The following GRIK1 variants were observed in gnomAD, a reference collection of about 807,000 sequenced individuals.
GRIK1 encodes the protein glutamate ionotropic receptor kainate type subunit 1.
GRIK1 carries 69 observed loss-of-function variants against 105.7 expected under a neutral mutation model. The ratio of observed to expected loss-of-function variants is 0.65; its 90% confidence interval spans 0.54 to 0.80. The LOEUF is 0.80. Among genes scored for constraint, GRIK1 ranks in the 30% least tolerant of loss-of-function variants. The pLI is 0.00. For missense variants in GRIK1, 1,109 were observed against 1,167.3 expected (o/e 0.95, Z 0.73); for synonymous variants, 438 against 431.3 (o/e 1.02, Z -0.19).
chr21:29,679,899 T>A (rs1286457188), intron 3 of GRIK1, among the ~76,000 whole-genome samples: 1 of 152,208 alleles, frequency 6.6e-6, no homozygotes, highest in African/African-American at 2.4e-5. Context: ...CATATGGCAT[T>A]TGTCTTGTGT....
chr21:29,641,713 C>T lies in GRIK1; in HGVS notation c.1098+1113G>A, dbSNP rs533067386. 6.6e-5 allele frequency among the ~76,000 whole-genome samples: 10 copies of T among 152,260 alleles called. No individual in the cohort carries two copies. The East Asian group carries it at 1.5e-3, about 24-fold the overall frequency. On this transcript the variant is annotated intron_variant, in intron 7 of 17. Coordinates refer to ENST00000327783, the MANE Select transcript of GRIK1 (RefSeq NM_001330994.2). The stretch of plus-strand genomic sequence containing the variant: ...AGAATGAATGTTTCCTTAAATTGCA[C>T]CCTCATCCTGGGCTTGCAAGCAACC...
At chr21:29,847,702 C>A (rs1018525843) in intron 1 of GRIK1, among the ~76,000 whole-genome samples, 1 of 152,178 alleles carries the variant, frequency 6.6e-6, no homozygotes, top group Non-Finnish European at 1.5e-5. Context: ...CTCTTTACTA[C>A]ATCAAGTCAA....
At chr21:29,690,896 G>A (rs363535) in intron 2 of GRIK1, among the ~76,000 whole-genome samples, 4,879 of 152,148 alleles carry the variant, frequency 0.032, 255 homozygotes, top group African/African-American at 0.11. Flanking sequence ...AATACAGTTT[G>A]ACATATTACT....
chr21:29,874,007 C>G lies in GRIK1; in HGVS notation c.118+65376G>C, dbSNP rs1481321104. Among the ~76,000 whole-genome samples the G allele has an allele frequency of 2.0e-5, 3 of 152,180 alleles. No homozygotes were observed. In the East Asian group the frequency reaches 5.8e-4, roughly 29 times the overall value. ...TCCAATTCACAATAGGGTTCCCTCT[C>G]CTATGAGAATCTAATGCCGCAGCTG... On this transcript the variant is annotated intron_variant, in intron 1 of 17. Transcript: ENST00000327783.
At chr21:29,692,195 C>T (rs924140295) in intron 2 of GRIK1, among the ~76,000 whole-genome samples, 24 of 152,336 alleles carry the variant, frequency 1.6e-4, no homozygotes, top group African/African-American at 5.5e-4. Context: ...GGGTGTTTAA[C>T]TGACAAGTAA....
chr21:29,867,549 C>G (rs28578992), intron 1 of GRIK1, among the ~76,000 whole-genome samples: 7,852 of 152,040 alleles, frequency 0.052, 670 homozygotes, highest in African/African-American at 0.18. Context: ...AATCCCAGCA[C>G]TTTGGGAGAC....
rs1463058127 is a variant in GRIK1, at chr21:29,589,139, T to C, written c.1366-97A>G. The C allele has an allele frequency of 5.6e-6, 4 of 713,596 alleles. No individual in the cohort carries two copies. The African/African-American group carries it at 7.1e-5, about 13-fold the overall frequency. 44.2% of individuals were successfully genotyped at this position (713,596 alleles called of 1,614,324 possible). On this transcript the variant is annotated intron_variant, in intron 10 of 17. Transcript: ENST00000327783. ...AGATGTGAAATGTTTGATAATGATT[T>C]TGAAGAGCTGAGAGTACTGAAGTCA...
chr21:29,573,546 A>T (rs910542958), intron 14 of GRIK1, among the ~76,000 whole-genome samples: 1 of 148,796 alleles, frequency 6.7e-6, no homozygotes, highest in African/African-American at 2.5e-5. Context: ...TTGAGACAGA[A>T]AAGATCAAAG....
rs16984393 is a variant in GRIK1 at position 29,577,676 on chromosome 21, A to C, written c.1913-495T>G. On this transcript the variant is annotated intron_variant, in intron 13 of 17. Transcript: ENST00000327783. ...CTTTAATAAAACATTGGGATTTTAC[A>C]AATAAAATAAGATGCAGCCATACTT... is the stretch of plus-strand genomic sequence containing the variant. Among the ~76,000 whole-genome samples the C allele has an allele frequency of 5.0e-3, 763 of 152,360 alleles. 3 individuals carry two copies. Among genetic ancestry groups the C allele is most frequent in the African/African-American group, 0.016 (662 of 41,592 alleles).
At chr21:29,727,918 G>T (rs1259604858) in intron 1 of GRIK1, among the ~76,000 whole-genome samples, 1 of 152,174 alleles carries the variant, frequency 6.6e-6, no homozygotes, top group Non-Finnish European at 1.5e-5. Flanking sequence ...GAGTCCAAAG[G>T]TCTAAGAACT....
chr21:29,790,237 C>T (rs1432957167), intron 1 of GRIK1, among the ~76,000 whole-genome samples: 8 of 152,088 alleles, frequency 5.3e-5, no homozygotes, highest in Admixed American at 1.3e-4. Context: ...TTGGTAGAGA[C>T]GGGGTTTCAC....
At chr21:29,599,066 A>G (rs1474661033) in intron 7 of GRIK1, 129 bp from the exon 8 acceptor site, 1 of 545,912 alleles carries the variant, frequency 1.8e-6, no homozygotes, top group African/African-American at 1.9e-5. Context: ...GTTATAAACC[A>G]TTGCATTGGT....
intron 3 of GRIK1, 27 bp from the exon 4 acceptor site, chr21:29,673,191 T>G (rs363513): frequency 6.7e-7 from 1 of 1,492,468 alleles, no homozygotes; most frequent in African/African-American, 1.4e-5. Flanking sequence ...AATCATGCAA[T>G]GGAGACTGTT....
intron 1 of GRIK1, among the ~76,000 whole-genome samples, chr21:29,867,668 C>T (rs2068843993): frequency 6.6e-6 from 1 of 152,034 alleles, no homozygotes; most frequent in Admixed American, 6.6e-5. Flanking sequence ...GTGGCGCATG[C>T]CTATAATCCC....
intron 14 of GRIK1, among the ~76,000 whole-genome samples, chr21:29,573,818 C>A (rs1017909162): frequency 4.7e-5 from 7 of 150,498 alleles, no homozygotes; most frequent in African/African-American, 1.7e-4. Flanking sequence ...CACTGCACTC[C>A]ACCCAGCCTG....
chr21:29,777,976 CA>C (rs1225995433), intron 1 of GRIK1, among the ~76,000 whole-genome samples: 4 of 152,174 alleles, frequency 2.6e-5, no homozygotes, highest in Admixed American at 6.5e-5. Context: ...CAGTGATATG[CA>C]GGCTGTGGGA....
At chr21:29,728,543 A>G (rs1027978907) in intron 1 of GRIK1, among the ~76,000 whole-genome samples, 30 of 152,206 alleles carry the variant, frequency 2.0e-4, no homozygotes, top group Non-Finnish European at 1.2e-4. Context: ...ACTGTCGATC[A>G]TATTTCACTG....
intron 1 of GRIK1, among the ~76,000 whole-genome samples, chr21:29,777,335 T>C (rs1186519805): frequency 6.6e-6 from 1 of 152,160 alleles, no homozygotes; most frequent in Admixed American, 6.5e-5. Context: ...CTCTAGAATT[T>C]ATATTAATCA....
At chr21:29,854,379 T>C (rs468391) in intron 1 of GRIK1, among the ~76,000 whole-genome samples, 48,729 of 151,792 alleles carry the variant, frequency 0.32, 8,499 homozygotes, top group East Asian at 0.46. Context: ...GGGATCAGAC[T>C]TCAACATGAG....
Sources: allele counts gnomAD v4.1 joint callset (sites outside exome capture counted in the v4.1 genomes callset), GRCh38; gene constraint gnomAD v4.1.1; transcripts MANE v1.5; gene names NCBI Gene and HGNC (gene_info 2026-07-23, HGNC 2026-07-21).